Variants in SPIN4 observed in about 807,000 individuals in gnomAD.
SPIN4 encodes spindlin family member 4.
SPIN4 carries 4 observed loss-of-function variants against 10.4 expected under a neutral mutation model. The ratio of observed to expected loss-of-function variants is 0.38; its 90% CI spans 0.19 to 0.88. The LOEUF (loss-of-function observed/expected upper bound fraction) is 0.88. SPIN4 is among the 40% of genes least tolerant of loss of function. The probability of loss-of-function intolerance (pLI) is 0.40; values close to 1 mark genes in which losing one functional copy is unlikely to be tolerated. For missense variants in SPIN4, 126 were observed against 198.7 expected, an observed-to-expected ratio of 0.63 and a Z score of 2.20; for synonymous variants, 71 against 78.4, an observed-to-expected ratio of 0.91 and a Z score of 0.50.
In SPIN4 at chrX:63,350,130, G is replaced by A. The variant is rs1397913046; in HGVS notation, c.690C>T (p.Tyr230=). The change falls in exon 1 of 1, where the codon TAC becomes TAT. Residue 230 remains tyrosine (Y), a synonymous_variant. Transcript: ENST00000374884. ...GAATATCATCATCAAACTTAATGAA[G>A]TAAACAGATGGCTTCGCCACCACTT... ...IHQVVAKPSV[Y]FIKFDDDIHI... 2.8e-5 allele frequency: 34 copies of A among 1,209,412 alleles called. No individual in the cohort carries two copies. The highest frequency in any genetic ancestry group is 3.5e-5 in the Non-Finnish European group (31 of 894,673).
Position 63,347,265 on chromosome X carries a change from G to C in SPIN4, c.*2805C>G. On this transcript the variant is annotated 3_prime_UTR_variant, in exon 1 of 1. Coordinates refer to ENST00000374884, the MANE Select transcript of SPIN4 (RefSeq NM_001012968.3). ...TAATTATTTTATTACAATGTTTTCA[G>C]AATTAGATCTAGGTGACATAAAATA... 8.9e-6 allele frequency: 1 copy of C among 111,765 alleles called. No homozygotes were observed. The highest frequency in any genetic ancestry group is 1.9e-5 in the Non-Finnish European group (1 of 53,114). The allele number at this position is 111,765 out of a possible 1,213,427, so 9.2% of individuals were successfully genotyped here.
chrX:63,350,628 G>T lies in SPIN4; in HGVS notation c.192C>A (p.Leu64=). 8.3e-7 allele frequency: 1 copy of T among 1,210,170 alleles called. No individual in the cohort carries two copies. Among genetic ancestry groups the T allele is most frequent in the Non-Finnish European group, 1.1e-6 (1 of 894,613 alleles). The change falls in exon 1 of 1, where the codon CTC becomes CTA. Residue 64 remains leucine (L), a synonymous_variant. Transcript: ENST00000374884. ...EPVEQWKGTV[L]EQVSVKPTLY... is the part of the protein sequence containing the mutation. Reference sequence around the variant, plus strand: ...GAGTGGGCTTCACGGAAACCTGCTCGAGCACAGTACCCTTCCACTGCTCCA... The same window carrying T: ...GAGTGGGCTTCACGGAAACCTGCTCTAGCACAGTACCCTTCCACTGCTCCA...
chrX:63,351,300 G>C lies in SPIN4; in HGVS notation c.-481C>G, dbSNP rs1356536836. 1 of 117,927 alleles carries C rather than the reference G, an allele frequency of 8.5e-6. No individual in the cohort carries two copies. Among genetic ancestry groups the C allele is most frequent in the African/African-American group, 3.2e-5 (1 of 31,091 alleles). 9.7% of individuals were successfully genotyped at this position (117,927 alleles called of 1,213,427 possible). ...TCTCTGGGGAGTCCGCGCGGCCTGG[G>C]CTTCGCAGCGCTAGCTGGCTTGGCT... On this transcript the variant is annotated 5_prime_UTR_variant, in exon 1 of 1. Coordinates refer to ENST00000374884, the MANE Select transcript of SPIN4 (RefSeq NM_001012968.3).
In SPIN4 at chrX:63,349,426, A is replaced by G. The variant is rs1932971634; in HGVS notation, c.*644T>C. 1 of 111,878 alleles carries G rather than the reference A, an allele frequency of 8.9e-6. No homozygotes were observed. Among genetic ancestry groups the G allele is most frequent in the African/African-American group, 3.3e-5 (1 of 30,717 alleles). 9.2% of individuals were successfully genotyped at this position (111,878 alleles called of 1,213,427 possible). ...TAAAAAAAGGAAATAAAAGACGATC[A>G]ATAACGAAATGGTTGAATGCCTTTT... is the stretch of plus-strand genomic sequence containing the variant. On this transcript the variant is annotated 3_prime_UTR_variant, in exon 1 of 1. Coordinates refer to ENST00000374884, the MANE Select transcript of SPIN4 (RefSeq NM_001012968.3).
At position 63,348,631 on chromosome X, in the gene SPIN4, G is replaced by C. The variant is rs1459801836; in HGVS notation, c.*1439C>G. The C allele has an allele frequency of 9.1e-6, 1 of 110,162 alleles. No individual in the cohort carries two copies. Among genetic ancestry groups the C allele is most frequent in the Non-Finnish European group, 1.9e-5 (1 of 52,660 alleles). 9.1% of individuals were successfully genotyped at this position (110,162 alleles called of 1,213,427 possible). On this transcript the variant is annotated 3_prime_UTR_variant, in exon 1 of 1. Coordinates refer to ENST00000374884, the MANE Select transcript of SPIN4 (RefSeq NM_001012968.3). ...AAAGAAAAAAAAAACTAATGAAGTG[G>C]GACTTGCTTTATCGGATTCTAAAAC...
Position 63,350,153 on chromosome X carries a change from C to T in SPIN4, c.667G>A (p.Val223Met). 8.3e-7 allele frequency: 1 copy of T among 1,211,882 alleles called. No individual in the cohort carries two copies. The highest frequency in any genetic ancestry group is 1.1e-6 in the Non-Finnish European group (1 of 895,487). ...SKRTGIFIHQ[V>M]VAKPSVYFIK... ...AAGTAAACAGATGGCTTCGCCACCACTTGATGTATAAAAATGCCAGTTCTC... is the reference window on the plus strand; with the variant it reads ...AAGTAAACAGATGGCTTCGCCACCATTTGATGTATAAAAATGCCAGTTCTC... The change falls in exon 1 of 1, where the codon GTG (valine) becomes ATG (methionine). Residue 223 changes from valine to methionine, a missense_variant. Physicochemically the swap from Val to Met is conservative, Grantham distance 21. Coordinates refer to ENST00000374884, the MANE Select transcript of SPIN4 (RefSeq NM_001012968.3).
In SPIN4 at chrX:63,349,836, T is replaced by C. The variant is rs1459661797; in HGVS notation, c.*234A>G. 1.1e-5 allele frequency: 4 copies of C among 350,133 alleles called. No individual in the cohort carries two copies. The highest frequency in any genetic ancestry group is 1.0e-4 in the African/African-American group (4 of 38,594). The allele number at this position is 350,133 out of a possible 1,213,427, so 28.9% of individuals were successfully genotyped here. A position where few individuals can be genotyped will look rare whatever the true frequency, so the allele number is the denominator to read the frequency against. On this transcript the variant is annotated 3_prime_UTR_variant, in exon 1 of 1. Coordinates refer to ENST00000374884, the MANE Select transcript of SPIN4 (RefSeq NM_001012968.3). ...AATGGTTGCAAACACTTTTTAATTT[T>C]CTATTAGCACCCAATTTAACTGTTA...
chrX:63,349,987 C>T lies in SPIN4; in HGVS notation c.*83G>A. The T allele has an allele frequency of 9.9e-7, 1 of 1,012,616 alleles. No individual in the cohort carries two copies. Among genetic ancestry groups the T allele is most frequent in the Non-Finnish European group, 1.3e-6 (1 of 756,858 alleles). The allele number at this position is 1,012,616 out of a possible 1,213,427, so 83.5% of individuals were successfully genotyped here. A position where few individuals can be genotyped will look rare whatever the true frequency, so the allele number is the denominator to read the frequency against. Reference sequence around the variant, plus strand: ...CTTTCCTGAATTTCTGACACCTAAACTCTTCTCTGCGTTCACAACTACGAG... The same window carrying T: ...CTTTCCTGAATTTCTGACACCTAAATTCTTCTCTGCGTTCACAACTACGAG... On this transcript the variant is annotated 3_prime_UTR_variant, in exon 1 of 1. Coordinates refer to ENST00000374884, the MANE Select transcript of SPIN4 (RefSeq NM_001012968.3).
chrX:63,350,468 G>A lies in SPIN4; in HGVS notation c.352C>T (p.Leu118=), dbSNP rs370639645. Residue 118 remains leucine (L), a synonymous_variant, in exon 1 of 1, where the codon CTG becomes TTG. Transcript: ENST00000374884. The stretch of plus-strand genomic sequence containing the variant: ...ACATGCTCCACTGCCTTGCCAATCA[G>A]GGAATCTGCCAGTCGTGAATCGATA... ...PRIDSRLADS[L]IGKAVEHVFE... 24 of 1,211,807 alleles carry A rather than the reference G, an allele frequency of 2.0e-5. No homozygotes were observed. Among genetic ancestry groups the A allele is most frequent in the Non-Finnish European group, 2.7e-5 (24 of 895,568 alleles).
chrX:63,347,501 C>G lies in SPIN4; in HGVS notation c.*2569G>C, dbSNP rs1932947804. 8.9e-6 allele frequency: 1 copy of G among 112,114 alleles called. No individual in the cohort carries two copies. The highest frequency in any genetic ancestry group is 9.4e-5 in the Admixed American group (1 of 10,587). The allele number at this position is 112,114 out of a possible 1,213,427, so 9.2% of individuals were successfully genotyped here. ...GTCATCAGGATTAGATTGTTTTACACTTTGTCCTAGCTAACTTTTAACAAA... is the reference window on the plus strand; with the variant it reads ...GTCATCAGGATTAGATTGTTTTACAGTTTGTCCTAGCTAACTTTTAACAAA... On this transcript the variant is annotated 3_prime_UTR_variant, in exon 1 of 1. Transcript: ENST00000374884.
chrX:63,350,804 C>T lies in SPIN4; in HGVS notation c.16G>A (p.Val6Met), dbSNP rs782000535. The change falls in exon 1 of 1, where the codon GTG becomes ATG. Residue 6 changes from valine to methionine, a missense_variant. By Grantham distance (21) the Val-to-Met change is conservative (BLOSUM62 1). Coordinates refer to ENST00000374884, the MANE Select transcript of SPIN4 (RefSeq NM_001012968.3). ...ACGCCATCTACCCCCATCGGAGGCACGGTTGGAGGAGACATAGCTCAGGGA... is the reference window on the plus strand; with the variant it reads ...ACGCCATCTACCCCCATCGGAGGCATGGTTGGAGGAGACATAGCTCAGGGA... MSPPT[V>M]PPMGVDGVSA... 7.5e-6 allele frequency: 9 copies of T among 1,197,058 alleles called. No homozygotes were observed. Among genetic ancestry groups the T allele is most frequent in the East Asian group, 6.0e-5 (2 of 33,569 alleles).
chrX:63,350,844 G>A lies in SPIN4; in HGVS notation c.-25C>T, dbSNP rs374485199. On this transcript the variant is annotated 5_prime_UTR_variant, in exon 1 of 1. Transcript: ENST00000374884. Reference sequence around the variant, plus strand: ...TAGCTCAGGGATTAAGAGGGCTTGGGGAAAGCTGCTGCCCTGGTCGATTAA... The same window carrying A: ...TAGCTCAGGGATTAAGAGGGCTTGGAGAAAGCTGCTGCCCTGGTCGATTAA... The A allele has an allele frequency of 3.3e-4, 390 of 1,176,620 alleles. No individual in the cohort carries two copies. Among genetic ancestry groups the A allele is most frequent in the Non-Finnish European group, 4.1e-4 (361 of 876,882 alleles).
chrX:63,350,251 T>C lies in SPIN4; in HGVS notation c.569A>G (p.Glu190Gly), dbSNP rs782412234. 1.6e-5 allele frequency: 19 copies of C among 1,209,676 alleles called. No individual in the cohort carries two copies. The highest frequency in any genetic ancestry group is 2.1e-5 in the Non-Finnish European group (19 of 895,166). Residue 190 changes from glutamate to glycine, a missense_variant, in exon 1 of 1, where the codon GAA becomes GGA. Transcript: ENST00000374884. ...PDSNYYFPTAEQEPGEVVDSL... is the reference protein window; with the variant it reads ...PDSNYYFPTAGQEPGEVVDSL... ...GTCGACCACCTCTCCAGGCTCCTGT[T>C]CTGCTGTAGGGAAATAGTAGTTGGA...
At position 63,351,240 on chromosome X, in the gene SPIN4, ATGGCTGC is replaced by A. The variant is rs1932993767; in HGVS notation, c.-428_-422del. ...GGACGAAAGGCAAGGAGTAAGAGGG[ATGGCTGC>A]AGCGGCAAAGGCGCAGGCGGCGGCA... On this transcript the variant is annotated 5_prime_UTR_variant, in exon 1 of 1. Coordinates refer to ENST00000374884, the MANE Select transcript of SPIN4 (RefSeq NM_001012968.3). 1 of 135,949 alleles carries A rather than the reference ATGGCTGC, an allele frequency of 7.4e-6. No homozygotes were observed. Among genetic ancestry groups the A allele is most frequent in the South Asian group, 3.2e-4 (1 of 3,098 alleles). The allele number at this position is 135,949 out of a possible 1,213,427, so 11.2% of individuals were successfully genotyped here.
rs782650579 is a variant in SPIN4, at chrX:63,348,303, T to C, written c.*1767A>G. ...TGTCTATATTGTCAAAAATAGCTAA[T>C]TACAAATGAGAAGAAAAAAACCAAT... On this transcript the variant is annotated 3_prime_UTR_variant, in exon 1 of 1. Coordinates refer to ENST00000374884, the MANE Select transcript of SPIN4 (RefSeq NM_001012968.3). 3.6e-5 allele frequency: 4 copies of C among 111,066 alleles called. No homozygotes were observed. The highest frequency in any genetic ancestry group is 5.7e-5 in the Non-Finnish European group (3 of 52,846). The allele number at this position is 111,066 out of a possible 1,213,427, so 9.2% of individuals were successfully genotyped here.
At position 63,350,375 on chromosome X, in the gene SPIN4, C is replaced by A. The variant is rs1265973926; in HGVS notation, c.445G>T (p.Asp149Tyr). 1.7e-6 allele frequency: 2 copies of A among 1,209,391 alleles called. No homozygotes were observed. The highest frequency in any genetic ancestry group is 1.8e-5 in the African/African-American group (1 of 56,939). The part of the protein sequence containing the change: ...GMVLARAPVM[D>Y]TWFYITYEKD... ...TCGTAGGTGATGTAAAACCAAGTAT[C>A]CATCACAGGAGCTCGCGCCAGGACC... The change falls in exon 1 of 1, where the codon GAT becomes TAT. Residue 149 changes from aspartate to tyrosine, a missense_variant. By Grantham distance (160) the Asp-to-Tyr change is radical. Transcript: ENST00000374884.
In SPIN4 at chrX:63,350,776, G is replaced by C. The variant is rs1556016597; in HGVS notation, c.44C>G (p.Ser15Cys). The C allele has an allele frequency of 8.3e-7, 1 of 1,207,602 alleles. No homozygotes were observed. The highest frequency in any genetic ancestry group is 1.1e-6 in the Non-Finnish European group (1 of 892,406). The change falls in exon 1 of 1, where the codon TCC becomes TGC. Residue 15 changes from serine (S) to cysteine (C), a missense_variant. By Grantham distance (112) the Ser-to-Cys change is moderately radical. Transcript: ENST00000374884. ...GTGCCTTTTCTTCATCAGGTATGCG[G>C]ACACGCCATCTACCCCCATCGGAGG... is the stretch of plus-strand genomic sequence containing the variant. The part of the protein sequence containing the change: ...TVPPMGVDGV[S>C]AYLMKKRHTH...
rs1419032792 is a variant in SPIN4 at position 63,350,190 on chromosome X, A to G, written c.630T>C (p.Asp210=). Reference sequence around the variant, plus strand: ...AAATGCCAGTTCTCTTGGACCCGTCATCTTTGGCATGCTCCACCTGCTTGC... The same window carrying G: ...AAATGCCAGTTCTCTTGGACCCGTCGTCTTTGGCATGCTCCACCTGCTTGC... The part of the protein sequence containing the change: ...LVGKQVEHAK[D]DGSKRTGIFI... The change falls in exon 1 of 1, where the codon GAT becomes GAC. Residue 210 remains aspartate (D), a synonymous_variant. Transcript: ENST00000374884. 8.3e-7 allele frequency: 1 copy of G among 1,210,033 alleles called. No homozygotes were observed. The highest frequency in any genetic ancestry group is 1.1e-6 in the Non-Finnish European group (1 of 895,290).
chrX:63,350,971 G>T lies in SPIN4; in HGVS notation c.-152C>A. On this transcript the variant is annotated 5_prime_UTR_variant, in exon 1 of 1. Coordinates refer to ENST00000374884, the MANE Select transcript of SPIN4 (RefSeq NM_001012968.3). ...CTCCAAGTGCAAGGCTCTCACCAAG[G>T]TTTTGGCAGAAACGCTCGAACTCTA... The T allele has an allele frequency of 2.8e-6, 2 of 702,613 alleles. No homozygotes were observed. The highest frequency in any genetic ancestry group is 3.6e-5 in the East Asian group (1 of 28,008). The allele number at this position is 702,613 out of a possible 1,213,427, so 57.9% of individuals were successfully genotyped here.
Sources: allele counts gnomAD v4.1 joint callset, GRCh38; gene constraint gnomAD v4.1.1; transcripts MANE v1.5; gene names NCBI Gene and HGNC (gene_info 2026-07-23, HGNC 2026-07-21).